Variants in BIRC6 observed in about 807,000 individuals in gnomAD.
BIRC6 encodes dual E2 ubiquitin-conjugating enzyme/E3 ubiquitin-protein ligase BIRC6.
In BIRC6, 98 loss-of-function variants were observed where a neutral mutation model predicts 503.3. The observed-to-expected ratio is 0.19, with a 90% CI of 0.17 to 0.23. The LOEUF is 0.23. Among genes scored for constraint, BIRC6 ranks in the 10% least tolerant of loss-of-function variants. The probability of loss-of-function intolerance (pLI) is 1.00; values close to 1 mark genes in which losing one functional copy is unlikely to be tolerated. For missense variants in BIRC6, 5,360 were observed against 5,806.0 expected, an observed-to-expected ratio of 0.92 and a Z score of 2.50; for synonymous variants, 2,240 against 2,078.7, an observed-to-expected ratio of 1.08 and a Z score of -2.11.
In BIRC6 at chr2:32,510,564, C is replaced by T; in HGVS notation, c.10276C>T (p.Leu3426Phe). The T allele has an allele frequency of 6.2e-7, 1 of 1,609,572 alleles. No homozygotes were observed. Among genetic ancestry groups the T allele is most frequent in the Non-Finnish European group, 8.5e-7 (1 of 1,176,038 alleles). The change falls in exon 53 of 74, where the codon CTC becomes TTC. Residue 3426 changes from leucine (L) to phenylalanine (F), a missense_variant. Physicochemically the swap from Leu to Phe is conservative, Grantham distance 22. Around this residue, in one of 16 missense-constraint regions of BIRC6, gnomAD observed 878 missense variants for 928.9 expected, o/e 0.95. Transcript: ENST00000421745. The stretch of plus-strand genomic sequence containing the variant: ...TTTACTTTTTGGAAGACTAAATGGA[C>T]TCTCTTCTGACTCTACGATAGATAT... The part of the protein sequence containing the change: ...SPLLFGRLNG[L>F]SSDSTIDILY...
At chr2:32,411,581 A>G (rs2041891745) in intron 9 of BIRC6, among the ~76,000 whole-genome samples, 1 of 151,692 alleles carries the variant, frequency 6.6e-6, no homozygotes. Context: ...GGGTTCAAGC[A>G]GTTTCTCTTG....
intron 2 of BIRC6, chr2:32,379,396 A>G (rs896119306): frequency 6.6e-6 from 1 of 152,256 alleles, no homozygotes; most frequent in African/African-American, 2.4e-5. Flanking sequence ...TTAAAGAATT[A>G]CAATAAAATA....
intron 45 of BIRC6, among the ~76,000 whole-genome samples, chr2:32,498,521 G>A (rs1453283890): frequency 6.6e-6 from 1 of 152,002 alleles, no homozygotes; most frequent in Non-Finnish European, 1.5e-5. Context: ...TGTTTTTACT[G>A]TTTATATATG....
intron 73 of BIRC6, among the ~76,000 whole-genome samples, chr2:32,612,474 C>T (rs1213444985): frequency 2.6e-5 from 4 of 152,034 alleles, no homozygotes; most frequent in African/African-American, 9.7e-5. Context: ...CCTTTTCTAT[C>T]TTCAGGTTTT....
intron 70 of BIRC6, among the ~76,000 whole-genome samples, chr2:32,602,115 G>C (rs1193756220): frequency 6.6e-6 from 1 of 152,142 alleles, no homozygotes; most frequent in Admixed American, 6.6e-5. Flanking sequence ...AAATAAATCA[G>C]AATCTCGAAG....
intron 23 of BIRC6, among the ~76,000 whole-genome samples, chr2:32,456,399 A>G (rs1274064815): frequency 6.6e-6 from 1 of 152,162 alleles, no homozygotes; most frequent in African/African-American, 2.4e-5. Context: ...AACAAAATTT[A>G]TGTATCCACT....
intron 60 of BIRC6, among the ~76,000 whole-genome samples, chr2:32,530,370 C>T (rs981938980): frequency 6.6e-6 from 1 of 152,042 alleles, no homozygotes; most frequent in Non-Finnish European, 1.5e-5. Flanking sequence ...ACCACCATGC[C>T]TGGCTAATTT....
chr2:32,518,853 A>G lies in BIRC6; in HGVS notation c.11530A>G (p.Ile3844Val). The G allele has an allele frequency of 1.9e-6, 3 of 1,613,540 alleles. No homozygotes were observed. The South Asian group carries it at 3.3e-5, about 18-fold the overall frequency. ...TAGAATTAATGCTACTAGCCACGTCATCCAGCATCCAATGTATGGAGCAGG... is the reference window on the plus strand; with the variant it reads ...TAGAATTAATGCTACTAGCCACGTCGTCCAGCATCCAATGTATGGAGCAGG... Reference protein sequence around the residue: ...KGRINATSHVIQHPMYGAGHK... With the variant: ...KGRINATSHVVQHPMYGAGHK... Residue 3844 changes from isoleucine to valine, a missense_variant, in exon 57 of 74, where the codon ATC (isoleucine) becomes GTC (valine). Transcript: ENST00000421745.
At chr2:32,546,178 G>C (rs1360613011) in intron 63 of BIRC6, among the ~76,000 whole-genome samples, 1 of 152,246 alleles carries the variant, frequency 6.6e-6, no homozygotes, top group Admixed American at 6.5e-5. Context: ...TAATACTATA[G>C]AATGGGGGTT....
chr2:32,565,407 A>G (rs1286426584), intron 65 of BIRC6: 4 of 152,178 alleles, frequency 2.6e-5, no homozygotes, highest in Admixed American at 6.5e-5. Context: ...GTTTTTCTTA[A>G]GTATTCTGTT....
intron 65 of BIRC6, chr2:32,557,514 T>C (rs2058864302): frequency 2.0e-5 from 3 of 152,206 alleles, no homozygotes; most frequent in Admixed American, 2.0e-4. Context: ...AGTTAAAATT[T>C]ACCTGTTTGC....
intron 57 of BIRC6, chr2:32,523,474 A>T (rs1354330088): frequency 6.6e-6 from 1 of 152,190 alleles, no homozygotes; most frequent in African/African-American, 2.4e-5. Context: ...TTTCACTCTG[A>T]CCTGTGTCAG....
At chr2:32,470,959 A>G (rs979617298) in intron 31 of BIRC6, 55 bp from the exon 32 acceptor site, 2 of 1,523,754 alleles carry the variant, frequency 1.3e-6, no homozygotes, top group African/African-American at 2.8e-5. Context: ...ATCAGATCTA[A>G]TTAGGAATCC....
chr2:32,500,156 C>T (rs768666419), intron 46 of BIRC6, 47 bp downstream of exon 46: 5 of 1,483,952 alleles, frequency 3.4e-6, no homozygotes, highest in Non-Finnish European at 4.5e-6. Context: ...GATACTATAA[C>T]TGGTTTTTTT....
chr2:32,569,998 T>G (rs1225976710), intron 65 of BIRC6, among the ~76,000 whole-genome samples: 1 of 152,210 alleles, frequency 6.6e-6, no homozygotes, highest in African/African-American at 2.4e-5. Flanking sequence ...TCTTGACTTG[T>G]TCCAGTTCTT....
At chr2:32,570,796 G>C (rs112502755) in intron 65 of BIRC6, among the ~76,000 whole-genome samples, 1 of 151,888 alleles carries the variant, frequency 6.6e-6, no homozygotes. Context: ...ATCACGCTCG[G>C]CCTATTTGTT....
intron 12 of BIRC6, among the ~76,000 whole-genome samples, chr2:32,431,771 A>C (rs2044151287): frequency 6.6e-6 from 1 of 152,238 alleles, no homozygotes; most frequent in Non-Finnish European, 1.5e-5. Flanking sequence ...AGGCACTCTT[A>C]TAGTCACTAG....
chr2:32,398,089 G>A (rs2040172382), intron 6 of BIRC6, among the ~76,000 whole-genome samples: 1 of 152,134 alleles, frequency 6.6e-6, no homozygotes, highest in African/African-American at 2.4e-5. Context: ...TTGAAAGGGC[G>A]AATGGGACTC....
intron 36 of BIRC6, 82 bp downstream of exon 36, chr2:32,478,900 C>T (rs565047240): frequency 9.6e-5 from 132 of 1,369,942 alleles, no homozygotes; most frequent in Admixed American, 2.6e-4. Flanking sequence ...GGATCTTTAA[C>T]CCCTAGAGGG....
Sources: allele counts gnomAD v4.1 joint callset (sites outside exome capture counted in the v4.1 genomes callset), GRCh38; gene constraint gnomAD v4.1.1; regional missense constraint gnomAD v4.1.1; transcripts MANE v1.5; gene names NCBI Gene and HGNC (gene_info 2026-07-23, HGNC 2026-07-21).